Variants in CNBD1 observed in about 807,000 individuals in gnomAD.
CNBD1 encodes the protein cyclic nucleotide-binding domain-containing protein 1.
CNBD1 carries 71 observed loss-of-function variants against 54.4 expected under a neutral mutation model. The observed-to-expected ratio is 1.30, with a 90% confidence interval of 1.08 to 1.59. The LOEUF (loss-of-function observed/expected upper bound fraction) is 1.59. CNBD1 is among the 40% of genes most tolerant of loss of function. CNBD1 has a pLI of 0.00. For missense variants in CNBD1, 659 were observed against 518.0 expected (o/e 1.27, Z -2.64); for synonymous variants, 182 against 170.7 (o/e 1.07, Z -0.51).
chr8:87,315,584 G>T (rs548179489), intron 8 of CNBD1, among the ~76,000 whole-genome samples: 22 of 151,982 alleles, frequency 1.4e-4, no homozygotes, highest in African/African-American at 5.3e-4. Context: ...GAGAACTCAC[G>T]CCTTACCCCG....
intron 10 of CNBD1, among the ~76,000 whole-genome samples, chr8:87,361,176 T>G (rs1469375821): frequency 1.3e-5 from 2 of 152,004 alleles, no homozygotes; most frequent in Non-Finnish European, 2.9e-5. Flanking sequence ...GGCACTTATT[T>G]TTAAATCAGA....
Position 87,008,488 on chromosome 8 carries a change from C to A in CNBD1, c.431+68734C>A, listed in dbSNP as rs553077544. Among the ~76,000 whole-genome samples the A allele has an allele frequency of 7.9e-5, 12 of 152,256 alleles. No individual in the cohort carries two copies. In the South Asian group the frequency reaches 2.3e-3, roughly 29 times the overall value. On this transcript the variant is annotated intron_variant, in intron 4 of 10. Coordinates refer to ENST00000518476, the MANE Select transcript of CNBD1 (RefSeq NM_173538.3). ...TAGAAGTCCTTTCTGCAGAATTTAT[C>A]CAGTAAAAGTTAGTTTTTGGATAGC... is the stretch of plus-strand genomic sequence containing the variant.
At chr8:87,029,786 ATTTG>A (rs1809741446) in intron 4 of CNBD1, among the ~76,000 whole-genome samples, 2 of 152,092 alleles carry the variant, frequency 1.3e-5, no homozygotes, top group Admixed American at 6.6e-5. Context: ...TTACATCTTT[ATTTG>A]TTAATTAGAT....
chr8:87,228,355 TC>T (rs1457769829), intron 5 of CNBD1, among the ~76,000 whole-genome samples: 3 of 150,204 alleles, frequency 2.0e-5, no homozygotes, highest in African/African-American at 7.5e-5. Context: ...TTCTGTTTTT[TC>T]CCCATCTTTG....
Position 87,163,701 on chromosome 8 carries a change from G to GT in CNBD1, c.432-42285dup, listed in dbSNP as rs1052049561. Among the ~76,000 whole-genome samples the GT allele has an allele frequency of 3.3e-5, 5 of 151,590 alleles. No individual in the cohort carries two copies. Among genetic ancestry groups the GT allele is most frequent in the East Asian group, 1.9e-4 (1 of 5,162 alleles). The stretch of plus-strand genomic sequence containing the variant: ...TTGAATTTGCTTATTAGTTCTAACA[G>GT]TTTTTTTGTTGGCGTCTTTAGGGTT... On this transcript the variant is annotated intron_variant, in intron 4 of 10. Coordinates refer to ENST00000518476, the MANE Select transcript of CNBD1 (RefSeq NM_173538.3). The surrounding 1 kb of genome is among the most constrained non-coding windows in gnomAD (Gnocchi z 4.5).
rs542452577 is a variant in CNBD1 at position 87,256,465 on chromosome 8, C to T, written c.771+19353C>T. 4.6e-5 allele frequency among the ~76,000 whole-genome samples: 7 copies of T among 152,114 alleles called. No homozygotes were observed. The East Asian group carries it at 1.4e-3, about 30-fold the overall frequency. The stretch of plus-strand genomic sequence containing the variant: ...CTCTCCTATTGCCTAGCTATGGGAA[C>T]CTGAGCAGTGAAGAGCTTCACTCGT... On this transcript the variant is annotated intron_variant, in intron 6 of 10. Transcript: ENST00000518476.
At chr8:86,930,381 G>A (rs34855343) in intron 3 of CNBD1, among the ~76,000 whole-genome samples, 72,495 of 151,906 alleles carry the variant, frequency 0.48, 18,307 homozygotes, top group South Asian at 0.6. Context: ...GGAGGCTTCC[G>A]AACTGGGAGC....
At chr8:87,229,255 C>T (rs184826704) in intron 5 of CNBD1, among the ~76,000 whole-genome samples, 12 of 152,184 alleles carry the variant, frequency 7.9e-5, no homozygotes, top group Middle Eastern at 3.4e-3. Flanking sequence ...TGTTCCTATT[C>T]GGCCATCTTG....
chr8:87,262,691 T>A (rs143215008), intron 6 of CNBD1, among the ~76,000 whole-genome samples: 1 of 152,292 alleles, frequency 6.6e-6, no homozygotes, highest in East Asian at 1.9e-4. Context: ...AATTATAAAC[T>A]TTTAGCTTGG....
intron 5 of CNBD1, among the ~76,000 whole-genome samples, chr8:87,235,917 G>A (rs1299536458): frequency 6.6e-6 from 1 of 152,058 alleles, no homozygotes; most frequent in Non-Finnish European, 1.5e-5. Context: ...AGACATCCAA[G>A]CAAGAACAAC....
intron 4 of CNBD1, among the ~76,000 whole-genome samples, chr8:87,070,559 A>C (rs537343363): frequency 1.3e-5 from 2 of 152,226 alleles, no homozygotes; most frequent in South Asian, 4.1e-4. Context: ...TATGACTTTG[A>C]GGGAAATTGT....
At chr8:87,386,668 G>T (rs1811196671), downstream of CNBD1, among the ~76,000 whole-genome samples, 1 of 152,222 alleles carries the variant, frequency 6.6e-6, no homozygotes, top group East Asian at 1.9e-4. Context: ...ATGGAACCAA[G>T]TTGGAAAACA....
At chr8:86,927,635 C>T (rs887919921) in intron 3 of CNBD1, among the ~76,000 whole-genome samples, 3 of 152,084 alleles carry the variant, frequency 2.0e-5, no homozygotes, top group East Asian at 1.9e-4. Flanking sequence ...TTAGGATTTT[C>T]GTCCTGGCAG....
rs373181788 is a variant in CNBD1, at chr8:87,101,888, A to AT, written c.432-104087dup. On this transcript the variant is annotated intron_variant, in intron 4 of 10. Coordinates refer to ENST00000518476, the MANE Select transcript of CNBD1 (RefSeq NM_173538.3). ...AGGTGAAGTGGGATCAGTAGATTTA[A>AT]TTTTTTTTTTTTTTTTTTGAGACAG... Among the ~76,000 whole-genome samples, 1,081 of 137,440 alleles carry AT rather than the reference A, an allele frequency of 7.9e-3. 6 individuals carry two copies. The highest frequency in any genetic ancestry group is 0.018 in the African/African-American group (660 of 37,580). The allele number at this position is 137,440 out of a possible 152,430, so 90.2% of individuals were successfully genotyped here. A position where few individuals can be genotyped will look rare whatever the true frequency, so the allele number is the denominator to read the frequency against.
chr8:87,230,064 A>G (rs1814639438), intron 5 of CNBD1, among the ~76,000 whole-genome samples: 1 of 152,200 alleles, frequency 6.6e-6, no homozygotes, highest in Non-Finnish European at 1.5e-5. Flanking sequence ...ACTAACAATC[A>G]TGGCAGAAGG....
chr8:87,411,917 A>T (rs1421899901), intron 2 of CNBD1, among the ~76,000 whole-genome samples: 1 of 151,996 alleles, frequency 6.6e-6, no homozygotes, highest in South Asian at 2.1e-4. Context: ...CAATTTGTTT[A>T]AAAAAGTTTT....
intron 4 of CNBD1, among the ~76,000 whole-genome samples, chr8:87,053,924 G>A (rs965188362): frequency 6.6e-6 from 1 of 152,200 alleles, no homozygotes; most frequent in African/African-American, 2.4e-5. Context: ...TCTTTTAGAT[G>A]CCATTGCAAT....
chr8:87,338,342 A>T (rs539058764), intron 8 of CNBD1, among the ~76,000 whole-genome samples: 48 of 152,234 alleles, frequency 3.2e-4, no homozygotes, highest in African/African-American at 1.1e-3. Flanking sequence ...ATTTCTTTTA[A>T]TATTTCTTGC....
In CNBD1 at chr8:87,080,130, G is replaced by A. The variant is rs577372081; in HGVS notation, c.432-125863G>A. On this transcript the variant is annotated intron_variant, in intron 4 of 10. Transcript: ENST00000518476. ...AAATCAATTGAGCCTACATTTCTGG[G>A]TCTACTTCATTTATGTGTGTATCTG... 1.8e-4 allele frequency among the ~76,000 whole-genome samples: 27 copies of A among 152,130 alleles called. No homozygotes were observed. In the South Asian group the frequency reaches 5.0e-3, roughly 28 times the overall value.
Sources: allele counts gnomAD v4.1 joint callset (sites outside exome capture counted in the v4.1 genomes callset), GRCh38; gene constraint gnomAD v4.1.1; non-coding constraint Gnocchi (gnomAD v3.1); transcripts MANE v1.5; gene names NCBI Gene and HGNC (gene_info 2026-07-23, HGNC 2026-07-21).